POLQ: variants seen among roughly 807,000 people sequenced by gnomAD.
POLQ encodes DNA polymerase theta, also known as epididymis secretory sperm binding protein.
POLQ carries 233 observed loss-of-function variants against 259.2 expected under a neutral mutation model. The ratio of observed to expected loss-of-function variants is 0.90; its 90% confidence interval spans 0.81 to 1.00. The LOEUF (loss-of-function observed/expected upper bound fraction) is 1.00. Among genes scored for constraint, POLQ ranks in the 50% least tolerant of loss-of-function variants. POLQ has a pLI of 0.00. For missense variants in POLQ, 2,871 were observed against 3,051.6 expected (o/e 0.94, Z 1.39); for synonymous variants, 1,025 against 1,048.8 (o/e 0.98, Z 0.44).
rs141458739 is a variant in POLQ at position 121,510,110 on chromosome 3, A to G, written c.1745T>C (p.Ile582Thr). Residue 582 changes from isoleucine to threonine, a missense_variant, in exon 11 of 30, where the codon ATT becomes ACT. By Grantham distance (89) the Ile-to-Thr change is moderately conservative. Coordinates refer to ENST00000264233, the MANE Select transcript of POLQ (RefSeq NM_199420.4). Reference sequence around the variant, plus strand: ...TAGTAGCCACATCACACAGGCCTCAATCGCTCCAAGCTGAACAGACTCTTG... The same window carrying G: ...TAGTAGCCACATCACACAGGCCTCAGTCGCTCCAAGCTGAACAGACTCTTG... Reference protein sequence around the residue: ...RNQESVQLGAIEACVMWLLEN... With the variant: ...RNQESVQLGATEACVMWLLEN... 44 of 1,613,980 alleles carry G rather than the reference A, an allele frequency of 2.7e-5. No individual in the cohort carries two copies. The East Asian group carries it at 8.0e-4, about 29-fold the overall frequency.
chr3:121,502,210 GGTTT>G (rs1203521543), intron 12 of POLQ, among the ~76,000 whole-genome samples: 2 of 151,918 alleles, frequency 1.3e-5, no homozygotes, highest in African/African-American at 2.4e-5. Context: ...TACTGTATTG[GGTTT>G]GTTTGTTAGT....
intron 25 of POLQ, among the ~76,000 whole-genome samples, chr3:121,452,751 G>C (rs561622870): frequency 2.6e-5 from 4 of 152,190 alleles, no homozygotes; most frequent in Admixed American, 2.6e-4. Flanking sequence ...AAACTGAGTG[G>C]AGCCCACCAC....
chr3:121,526,853 GTGTGTGCGTGTGTGTCTCTGTA>G (rs1268472407), intron 7 of POLQ, among the ~76,000 whole-genome samples: 2 of 140,172 alleles, frequency 1.4e-5, no homozygotes, highest in African/African-American at 2.8e-5. Context: ...TTTCTTCTGT[GTGTGTGCGTGTGTGTCTCTGTA>G]TGTGTGTGTG....
intron 12 of POLQ, among the ~76,000 whole-genome samples, chr3:121,508,362 T>C (rs1202945488): frequency 6.6e-6 from 1 of 152,194 alleles, no homozygotes; most frequent in Non-Finnish European, 1.5e-5. Flanking sequence ...TTATTAAACA[T>C]TTATTCAGAT....
Position 121,487,896 on chromosome 3 carries a change from GTTC to G in POLQ, c.5032_5034del (p.Glu1678del), listed in dbSNP as rs774137984. The G allele has an allele frequency of 2.5e-5, 40 of 1,607,774 alleles. No individual in the cohort carries two copies. The highest frequency in any genetic ancestry group is 4.0e-5 in the African/African-American group (3 of 74,528). ...GTCTCCAAGTTTGAAATAACTTCTT[GTTC>G]TTCATTTAACTCTGTATTTTTTCTA... On this transcript the variant is annotated inframe_deletion, in exon 16 of 30. Coordinates refer to ENST00000264233, the MANE Select transcript of POLQ (RefSeq NM_199420.4).
chr3:121,540,952 C>T (rs922444758), intron 3 of POLQ, among the ~76,000 whole-genome samples: 2 of 150,716 alleles, frequency 1.3e-5, no homozygotes, highest in African/African-American at 4.9e-5. Context: ...AGTGCAATAG[C>T]GTGATCTCGG....
At chr3:121,439,737 C>T (rs868074261) in intron 27 of POLQ, among the ~76,000 whole-genome samples, 9 of 152,210 alleles carry the variant, frequency 5.9e-5, no homozygotes, top group Non-Finnish European at 4.4e-5. Context: ...AATTGGTTTA[C>T]TGCAACAGAA....
chr3:121,465,428 G>A (rs7645027), intron 24 of POLQ, among the ~76,000 whole-genome samples: 99,613 of 152,034 alleles, frequency 0.66, 32,851 homozygotes, highest in East Asian at 0.89. Context: ...CAACTTGGGC[G>A]TGTGATCTAC....
chr3:121,479,563 C>T (rs141922267), intron 19 of POLQ, among the ~76,000 whole-genome samples: 2,121 of 152,124 alleles, frequency 0.014, 50 homozygotes, highest in African/African-American at 0.048. Context: ...CCGGTATTCT[C>T]GTGCCTCAGC....
At chr3:121,517,756 T>C (rs2048308252) in intron 9 of POLQ, among the ~76,000 whole-genome samples, 1 of 152,158 alleles carries the variant, frequency 6.6e-6, no homozygotes, top group Non-Finnish European at 1.5e-5. Context: ...GGATAGAAAC[T>C]ACATTGCTGA....
Position 121,468,805 on chromosome 3 carries a change from C to A in POLQ, c.6719-374G>T, listed in dbSNP as rs78429227. Among the ~76,000 whole-genome samples, 1,319 of 152,244 alleles carry A rather than the reference C, an allele frequency of 8.7e-3. 13 individuals carry two copies. The highest frequency in any genetic ancestry group is 0.028 in the African/African-American group (1,162 of 41,546). On this transcript the variant is annotated intron_variant, in intron 22 of 29. Transcript: ENST00000264233. Reference sequence around the variant, plus strand: ...ATCAAATGGATCTTAGGAGAAACAACCACTGACGCTTCTAAAAACAACACT... The same window carrying A: ...ATCAAATGGATCTTAGGAGAAACAAACACTGACGCTTCTAAAAACAACACT...
chr3:121,543,706 G>A (rs1285906710), intron 2 of POLQ, among the ~76,000 whole-genome samples: 2 of 152,158 alleles, frequency 1.3e-5, no homozygotes, highest in South Asian at 2.1e-4. Flanking sequence ...ATATAGGGCC[G>A]GGCATGGTGG....
intron 9 of POLQ, among the ~76,000 whole-genome samples, chr3:121,518,759 G>T (rs74358099): frequency 6.7e-6 from 1 of 150,054 alleles, no homozygotes; most frequent in Non-Finnish European, 1.5e-5. Context: ...TGCCTGTTTT[G>T]TTTTTTTTTG....
chr3:121,528,271 G>A (rs114400996), intron 7 of POLQ, among the ~76,000 whole-genome samples: 569 of 147,360 alleles, frequency 3.9e-3, no homozygotes, highest in Non-Finnish European at 7.0e-3. Flanking sequence ...ACAGGTACCC[G>A]ACATCACATC....
intron 26 of POLQ, among the ~76,000 whole-genome samples, chr3:121,447,825 A>G (rs1307029462): frequency 6.6e-6 from 1 of 152,184 alleles, no homozygotes; most frequent in African/African-American, 2.4e-5. Context: ...TTTGCCAGAT[A>G]TATTATTCCA....
intron 14 of POLQ, chr3:121,495,026 C>T (rs1382099805): frequency 1.9e-6 from 1 of 536,762 alleles, no homozygotes; most frequent in Non-Finnish European, 3.2e-6. Context: ...AATCCCAGCA[C>T]TTTGGAAGGC....
intron 25 of POLQ, among the ~76,000 whole-genome samples, chr3:121,450,629 T>C (rs936229034): frequency 6.6e-6 from 1 of 151,624 alleles, no homozygotes; most frequent in African/African-American, 2.4e-5. Context: ...AACTTTTTTC[T>C]GGCTTGTAGG....
In POLQ at chr3:121,487,866, G is replaced by A; in HGVS notation, c.5065C>T (p.Gln1689Ter). ...GAAGAAAATGAAATTCCCTGCACTT[G>A]TTTTGTCTCCAAGTTTGAAATAACT... ...QEVISNLETK[Q>*]VQGISFSSNN... The change falls in exon 16 of 30, where the codon CAA becomes TAA. Residue 1689 changes from glutamine (Q) to a stop codon, truncating the protein, a stop_gained. Transcript: ENST00000264233. LOFTEE classifies it high-confidence loss of function. 1 of 1,610,494 alleles carries A rather than the reference G, an allele frequency of 6.2e-7. No individual in the cohort carries two copies. Among genetic ancestry groups the A allele is most frequent in the East Asian group, 2.2e-5 (1 of 44,850 alleles).
intron 12 of POLQ, among the ~76,000 whole-genome samples, chr3:121,506,896 T>A (rs1359658586): frequency 6.6e-6 from 1 of 151,966 alleles, no homozygotes; most frequent in African/African-American, 2.4e-5. Context: ...CAACGGTACA[T>A]CCACCTACAC....
Sources: gnomAD v4.1 joint callset for allele counts (sites outside exome capture counted in the v4.1 genomes callset) on GRCh38, gnomAD v4.1.1 for gene constraint, MANE v1.5 for transcripts, NCBI Gene and HGNC (gene_info 2026-07-23, HGNC 2026-07-21) for gene names.